The following ANKS1B variants were observed in gnomAD, a reference collection of about 807,000 sequenced individuals.
ANKS1B encodes ankyrin repeat and sterile alpha motif domain containing 1B.
A neutral mutation model predicts 148.3 loss-of-function variants in ANKS1B; 36 were observed. The ratio of observed to expected loss-of-function variants is 0.24; its 90% CI spans 0.19 to 0.32. The LOEUF (loss-of-function observed/expected upper bound fraction) is 0.32. Among genes scored for constraint, ANKS1B ranks in the 10% least tolerant of loss-of-function variants. The pLI is 1.00. For synonymous variants in ANKS1B, 542 were observed against 560.8 expected (o/e 0.97, Z 0.47); for missense variants, 1,157 against 1,542.6 (o/e 0.75, Z 4.19).
intron 10 of ANKS1B, among the ~76,000 whole-genome samples, chr12:99,499,718 C>T (rs556039775): frequency 9.2e-5 from 14 of 152,196 alleles, no homozygotes; most frequent in South Asian, 6.2e-4. Context: ...AAGCTTCCCC[C>T]GTTGACACCA....
At position 99,943,069 on chromosome 12, in the gene ANKS1B, A is replaced by G. The variant is rs12308966; in HGVS notation, c.134+41035T>C. 5.4e-3 allele frequency among the ~76,000 whole-genome samples: 826 copies of G among 152,284 alleles called. 13 individuals carry two copies. Among genetic ancestry groups the G allele is most frequent in the African/African-American group, 0.019 (779 of 41,562 alleles). On this transcript the variant is annotated intron_variant, in intron 1 of 26. Transcript: ENST00000683438. ...CTGAGGTGAGGTCGGGAACTGTTGC[A>G]TACATTTTGCTACCTGAAAGAAGCC...
chr12:98,742,595 T>C (rs1292636647), downstream of ANKS1B, among the ~76,000 whole-genome samples: 1 of 152,254 alleles, frequency 6.6e-6, no homozygotes, highest in Non-Finnish European at 1.5e-5. Context: ...GGAGTTGGCA[T>C]TTCCCTGGTT....
chr12:99,697,708 CAA>C (rs1179518917), intron 8 of ANKS1B, among the ~76,000 whole-genome samples: 1 of 151,984 alleles, frequency 6.6e-6, no homozygotes, highest in African/African-American at 2.4e-5. Context: ...CTGCACAACA[CAA>C]AGAGTAAAAC....
intron 14 of ANKS1B, among the ~76,000 whole-genome samples, chr12:99,187,171 A>G (rs748437853): frequency 5.3e-5 from 8 of 152,038 alleles, no homozygotes; most frequent in Non-Finnish European, 8.8e-5. Context: ...AAAGCCACCA[A>G]GAAACATGGG....
At position 99,040,275 on chromosome 12, in the gene ANKS1B, C is replaced by T. The variant is rs201788595; in HGVS notation, c.2778+12882G>A. Reference sequence around the variant, plus strand: ...CTTTCTCTCTCTCTATGTGCGTGTGCGTGTGTGTGTGTGTGTGTGTGTATA... The same window carrying T: ...CTTTCTCTCTCTCTATGTGCGTGTGTGTGTGTGTGTGTGTGTGTGTGTATA... On this transcript the variant is annotated intron_variant, in intron 17 of 26. Transcript: ENST00000683438. Among the ~76,000 whole-genome samples the T allele has an allele frequency of 5.1e-3, 747 of 147,512 alleles. 3 individuals carry two copies. Among genetic ancestry groups the T allele is most frequent in the Non-Finnish European group, 7.2e-3 (478 of 66,752 alleles).
chr12:99,139,440 T>TTCTTTCTTTC (rs201769650), intron 15 of ANKS1B, among the ~76,000 whole-genome samples: 198 of 4,728 alleles, frequency 0.042, 76 homozygotes, highest in Middle Eastern at 0.19. Context: ...CTTTCTTTCT[T>TTCTTTCTTTC]TTTCTTTCTT....
chr12:99,771,741 G>A (rs10860517), intron 8 of ANKS1B, among the ~76,000 whole-genome samples: 34,822 of 151,774 alleles, frequency 0.23, 4,524 homozygotes, highest in Non-Finnish European at 0.3. Flanking sequence ...CCAATAATAG[G>A]ATGTTTTTAC....
chr12:99,154,268 T>C (rs2153822928), intron 15 of ANKS1B, 21 bp downstream of exon 15: 1 of 1,613,084 alleles, frequency 6.2e-7, no homozygotes, highest in Admixed American at 1.7e-5. Context: ...GGCAGCTCCG[T>C]GGACACAGAG....
In ANKS1B at chr12:99,493,733, A is replaced by C. The variant is rs185741617; in HGVS notation, c.1438+10743T>G. The stretch of plus-strand genomic sequence containing the variant: ...ATGAAGAAAAGGTTTGGGGGGAAAG[A>C]TGTGGGAGTTTAGTTCTAGATATGC... On this transcript the variant is annotated intron_variant, in intron 10 of 26. Coordinates refer to ENST00000683438, the MANE Select transcript of ANKS1B (RefSeq NM_001352186.2). Among the ~76,000 whole-genome samples, 493 of 152,288 alleles carry C rather than the reference A, an allele frequency of 3.2e-3. 5 individuals are homozygous for C. Among genetic ancestry groups the C allele is most frequent in the Non-Finnish European group, 5.6e-3 (379 of 68,018 alleles).
Position 99,470,959 on chromosome 12 carries a change from C to T in ANKS1B, c.1439-27150G>A, listed in dbSNP as rs149688899. Among the ~76,000 whole-genome samples the T allele has an allele frequency of 2.0e-5, 3 of 152,138 alleles. No individual in the cohort carries two copies. In the East Asian group the frequency reaches 5.8e-4, roughly 29 times the overall value. On this transcript the variant is annotated intron_variant, in intron 10 of 26. Transcript: ENST00000683438. ...TCATGTTCTTCAAGTTATATGAATA[C>T]TAATGATAAGAGATCTTACATGTTA... is the stretch of plus-strand genomic sequence containing the variant.
At chr12:99,279,322 A>G (rs998585628) in intron 12 of ANKS1B, among the ~76,000 whole-genome samples, 2 of 152,254 alleles carry the variant, frequency 1.3e-5, no homozygotes, top group Non-Finnish European at 2.9e-5. Context: ...TATAATCTAC[A>G]TACTGTAAAA....
intron 8 of ANKS1B, among the ~76,000 whole-genome samples, chr12:99,720,665 G>A (rs2057982995): frequency 6.6e-6 from 1 of 152,068 alleles, no homozygotes. Context: ...ATGCTGCAAG[G>A]TACAGCCCAT....
chr12:99,779,067 C>T (rs2063984293), intron 6 of ANKS1B, among the ~76,000 whole-genome samples: 1 of 152,174 alleles, frequency 6.6e-6, no homozygotes, highest in African/African-American at 2.4e-5. Flanking sequence ...TAACATGCTA[C>T]ATGTCAGGCC....
At chr12:98,984,440 C>T (rs959524079) in intron 17 of ANKS1B, among the ~76,000 whole-genome samples, 2 of 152,150 alleles carry the variant, frequency 1.3e-5, no homozygotes, top group Non-Finnish European at 2.9e-5. Context: ...CTCAATTTAT[C>T]TCTCTCCTTT....
intron 16 of ANKS1B, among the ~76,000 whole-genome samples, chr12:99,080,468 C>T (rs967890743): frequency 2.6e-5 from 4 of 152,058 alleles, no homozygotes; most frequent in African/African-American, 9.7e-5. Flanking sequence ...AACTGGAAAG[C>T]ATTAGAAGAA....
At chr12:99,243,291 G>C (rs2089688556) in intron 14 of ANKS1B, among the ~76,000 whole-genome samples, 1 of 152,180 alleles carries the variant, frequency 6.6e-6, no homozygotes, top group African/African-American at 2.4e-5. Context: ...CATCCTCACT[G>C]GTCATCAGAG....
At chr12:99,762,794 A>C (rs1024181370) in intron 8 of ANKS1B, among the ~76,000 whole-genome samples, 1 of 152,192 alleles carries the variant, frequency 6.6e-6, no homozygotes, top group Non-Finnish European at 1.5e-5. Flanking sequence ...AGAATCTATA[A>C]GGAACTTAAA....
At chr12:99,085,239 G>A (rs1266316031) in intron 15 of ANKS1B, among the ~76,000 whole-genome samples, 4 of 152,120 alleles carry the variant, frequency 2.6e-5, no homozygotes, top group South Asian at 4.2e-4. Flanking sequence ...AATATCTATC[G>A]TGGCTTATAT....
intron 9 of ANKS1B, among the ~76,000 whole-genome samples, chr12:99,603,244 A>G (rs2153301571): frequency 6.6e-6 from 1 of 152,150 alleles, no homozygotes; most frequent in East Asian, 1.9e-4. Context: ...TAGGAATCTC[A>G]GATTAGACTT....
Sources: allele counts gnomAD v4.1 joint callset (sites outside exome capture counted in the v4.1 genomes callset), GRCh38; gene constraint gnomAD v4.1.1; transcripts MANE v1.5; gene names NCBI Gene and HGNC (gene_info 2026-07-23, HGNC 2026-07-21).